ZNF768: variants seen among roughly 807,000 people sequenced by gnomAD.
ZNF768 encodes zinc finger protein 768.
ZNF768 carries 12 observed loss-of-function variants against 39.7 expected under a neutral mutation model. That is an observed-to-expected ratio of 0.30 (90% CI 0.19 to 0.49). The LOEUF is 0.49. Among genes scored for constraint, ZNF768 ranks in the 20% least tolerant of loss-of-function variants. ZNF768 has a pLI of 0.99. For missense variants in ZNF768, 613 were observed against 723.2 expected (o/e 0.85, Z 1.75); for synonymous variants, 360 against 288.4 (o/e 1.25, Z -2.52).
chr16:30,529,821 G>GTT (rs1272934657), upstream of ZNF768, among the ~76,000 whole-genome samples: 716 of 132,712 alleles, frequency 5.4e-3, 13 homozygotes, highest in African/African-American at 0.017. Context: ...GGAGTAGCTA[G>GTT]TTTTTTTTTT....
rs567241739 is a variant in ZNF768 at position 30,526,288 on chromosome 16, G to T, written c.88+38C>A. 3.7e-6 allele frequency: 6 copies of T among 1,606,920 alleles called. No individual in the cohort carries two copies. The East Asian group carries it at 1.1e-4, about 31-fold the overall frequency. On this transcript the variant is annotated intron_variant, in intron 1 of 1. Coordinates refer to ENST00000380412, the MANE Select transcript of ZNF768 (RefSeq NM_024671.4). Reference sequence around the variant, plus strand: ...CTGGAGCCACAGCCCCTTCTCCTGCGCGCAAGTCCACTCCTCGGACGGGCG... The same window carrying T: ...CTGGAGCCACAGCCCCTTCTCCTGCTCGCAAGTCCACTCCTCGGACGGGCG...
rs1352360018 is a variant in ZNF768, at chr16:30,526,532, G to C, written c.-119C>G. ...CCGCTCAGCGCCGCCCAGGGGACTC[G>C]GCGGCCCAGCCCGGGCCCCCGAGGC... On this transcript the variant is annotated 5_prime_UTR_variant, in exon 1 of 2. Transcript: ENST00000380412. 34 of 1,116,906 alleles carry C rather than the reference G, an allele frequency of 3.0e-5. No homozygotes were observed. The highest frequency in any genetic ancestry group is 1.0e-4 in the Admixed American group (2 of 19,794). 69.2% of individuals were successfully genotyped at this position (1,116,906 alleles called of 1,614,324 possible).
chr16:30,526,538 C>T lies in ZNF768; in HGVS notation c.-125G>A. The T allele has an allele frequency of 9.1e-7, 1 of 1,097,384 alleles. No individual in the cohort carries two copies. The highest frequency in any genetic ancestry group is 1.1e-6 in the Non-Finnish European group (1 of 901,658). The allele number at this position is 1,097,384 out of a possible 1,614,324, so 68.0% of individuals were successfully genotyped here. A position where few individuals can be genotyped will look rare whatever the true frequency, so the allele number is the denominator to read the frequency against. On this transcript the variant is annotated 5_prime_UTR_variant, in exon 1 of 2. Coordinates refer to ENST00000380412, the MANE Select transcript of ZNF768 (RefSeq NM_024671.4). The stretch of plus-strand genomic sequence containing the variant: ...AGCGCCGCCCAGGGGACTCGGCGGC[C>T]CAGCCCGGGCCCCCGAGGCCGGACG...
rs781145135 is a variant in ZNF768, at chr16:30,524,470, G to A, written c.*47C>T. On this transcript the variant is annotated 3_prime_UTR_variant, in exon 2 of 2. Coordinates refer to ENST00000380412, the MANE Select transcript of ZNF768 (RefSeq NM_024671.4). ...CCCTAAAGGTTCCTCTAGCTCCCTG[G>A]CCCCTTATCTTCTGCCCACACCTCC... 9 of 1,561,388 alleles carry A rather than the reference G, an allele frequency of 5.8e-6. No individual in the cohort carries two copies. Among genetic ancestry groups the A allele is most frequent in the South Asian group, 2.4e-5 (2 of 84,738 alleles).
In ZNF768 at chr16:30,524,160, T is replaced by A; in HGVS notation, c.*357A>T. 4.5e-6 allele frequency: 1 copy of A among 223,356 alleles called. No homozygotes were observed. The highest frequency in any genetic ancestry group is 1.3e-4 in the South Asian group (1 of 7,718). The allele number at this position is 223,356 out of a possible 1,614,324, so 13.8% of individuals were successfully genotyped here. ...TTACCCGCTCCTGACTCAACGAGAGTTTCAGCAGCTACCAATCTAAGCTAA... is the reference window on the plus strand; with the variant it reads ...TTACCCGCTCCTGACTCAACGAGAGATTCAGCAGCTACCAATCTAAGCTAA... On this transcript the variant is annotated 3_prime_UTR_variant, in exon 2 of 2. Transcript: ENST00000380412.
rs1202599200 is a variant in ZNF768, at chr16:30,524,934, G to A, written c.1206C>T (p.Ser402=). ...AGAAGCTCTTGCCGCAGATGCCACA[G>A]CTGAAGGGCCTCTGACCGGTGTGCA... The part of the protein sequence containing the change: ...QRVHTGQRPF[S]CGICGKSFSQ... Residue 402 remains serine (S), a synonymous_variant, in exon 2 of 2, where the codon AGC becomes AGT. Coordinates refer to ENST00000380412, the MANE Select transcript of ZNF768 (RefSeq NM_024671.4). The A allele has an allele frequency of 1.2e-6, 2 of 1,613,612 alleles. No individual in the cohort carries two copies. Among genetic ancestry groups the A allele is most frequent in the East Asian group, 4.5e-5 (2 of 44,868 alleles).
chr16:30,525,801 C>A lies in ZNF768; in HGVS notation c.339G>T (p.Glu113Asp). 6.4e-7 allele frequency: 1 copy of A among 1,552,786 alleles called. No individual in the cohort carries two copies. Among genetic ancestry groups the A allele is most frequent in the Non-Finnish European group, 8.7e-7 (1 of 1,154,552 alleles). The change falls in exon 2 of 2, where the codon GAG (glutamate) becomes GAT (aspartate). Residue 113 changes from glutamate to aspartate, a missense_variant. Glu to Asp is a conservative substitution (Grantham distance 45). Around this residue, in one of 4 missense-constraint regions of ZNF768, gnomAD observed 347 missense variants for 326.1 expected, o/e 1.06. Coordinates refer to ENST00000380412, the MANE Select transcript of ZNF768 (RefSeq NM_024671.4). Reference protein sequence around the residue: ...RSPESDSQSPEFESQSPRYEP... With the variant: ...RSPESDSQSPDFESQSPRYEP... The stretch of plus-strand genomic sequence containing the variant: ...CATACCTAGGGCTCTGGGATTCAAA[C>A]TCAGGGCTCTGAGAATCTGATTCAG...
rs978581597 is a variant in ZNF768 at position 30,524,285 on chromosome 16, G to T, written c.*232C>A. The T allele has an allele frequency of 3.3e-5, 17 of 522,522 alleles. No individual in the cohort carries two copies. The highest frequency in any genetic ancestry group is 4.8e-5 in the Non-Finnish European group (16 of 332,082). The allele number at this position is 522,522 out of a possible 1,614,324, so 32.4% of individuals were successfully genotyped here. A position where few individuals can be genotyped will look rare whatever the true frequency, so the allele number is the denominator to read the frequency against. ...GAGCCGCGGCTGAGGCCAGCCCTCCGCTGACCTCTCTCCATTTCTCCCAGG... is the reference window on the plus strand; with the variant it reads ...GAGCCGCGGCTGAGGCCAGCCCTCCTCTGACCTCTCTCCATTTCTCCCAGG... On this transcript the variant is annotated 3_prime_UTR_variant, in exon 2 of 2. Transcript: ENST00000380412.
In ZNF768 at chr16:30,525,142, A is replaced by G; in HGVS notation, c.998T>C (p.Leu333Pro). Residue 333 changes from leucine (L) to proline (P), a missense_variant, in exon 2 of 2, where the codon CTT (leucine) becomes CCT (proline). Leu to Pro is a moderately conservative substitution (Grantham distance 98, BLOSUM62 -3). Around this residue, in one of 4 missense-constraint regions of ZNF768, gnomAD observed 22 missense variants for 63.4 expected, o/e 0.35. Coordinates refer to ENST00000380412, the MANE Select transcript of ZNF768 (RefSeq NM_024671.4). ...GCCAGAGTGAGTGCGCTGGTGGCGA[A>G]GCAGGTAAGAGCTGTCGGCGAAGGC... ...GKAFADSSYLLRHQRTHSGQK... is the reference protein window; with the variant it reads ...GKAFADSSYLPRHQRTHSGQK... The G allele has an allele frequency of 1.2e-6, 2 of 1,613,816 alleles. No homozygotes were observed. Among genetic ancestry groups the G allele is most frequent in the Non-Finnish European group, 1.7e-6 (2 of 1,179,908 alleles).
upstream of ZNF768, among the ~76,000 whole-genome samples, chr16:30,528,977 C>T (rs902478559): frequency 3.9e-5 from 6 of 152,232 alleles, no homozygotes; most frequent in East Asian, 1.2e-3. Context: ...TATCATGAGC[C>T]ACAAGTCCCA....
At chr16:30,532,440 C>CG in the ZNF768 span, 1 of 1,536,052 alleles carries the variant, frequency 6.5e-7, no homozygotes, top group Non-Finnish European at 8.8e-7. Context: ...TGCAGAGGTT[C>CG]GGGCCCCTGA....
In ZNF768 at chr16:30,524,780, C is replaced by A; in HGVS notation, c.1360G>T (p.Gly454Cys). The A allele has an allele frequency of 6.2e-7, 1 of 1,611,908 alleles. No homozygotes were observed. The highest frequency in any genetic ancestry group is 1.3e-5 in the African/African-American group (1 of 74,942). Residue 454 changes from glycine (G) to cysteine (C), a missense_variant, in exon 2 of 2, where the codon GGC becomes TGC. Around this residue, in one of 4 missense-constraint regions of ZNF768, gnomAD observed 204 missense variants for 281.7 expected, o/e 0.72. Transcript: ENST00000380412. Reference sequence around the variant, plus strand: ...CAGTCGGGGCAGCTGTAGGTGCGGCCTGGCAGGTGGGTGCGGGCGTGGATG... The same window carrying A: ...CAGTCGGGGCAGCTGTAGGTGCGGCATGGCAGGTGGGTGCGGGCGTGGATG... ...LAIHARTHLP[G>C]RTYSCPDCGK...
rs1009013729 is a variant in ZNF768 at position 30,524,921 on chromosome 16, C to T, written c.1219G>A (p.Gly407Ser). The change falls in exon 2 of 2, where the codon GGC (glycine) becomes AGC (serine). Residue 407 changes from glycine to serine, a missense_variant. Gly to Ser is a moderately conservative substitution (Grantham distance 56). Transcript: ENST00000380412. ...GQRPFSCGIC[G>S]KSFSQRSALI... ...GCCGACCGCTGGGAGAAGCTCTTGC[C>T]GCAGATGCCACAGCTGAAGGGCCTC... 1 of 1,613,320 alleles carries T rather than the reference C, an allele frequency of 6.2e-7. No homozygotes were observed. The highest frequency in any genetic ancestry group is 1.3e-5 in the African/African-American group (1 of 74,920).
chr16:30,526,973 G>A (rs1176630964), upstream of ZNF768: 8 of 985,488 alleles, frequency 8.1e-6, no homozygotes, highest in African/African-American at 3.5e-5. Flanking sequence ...CGGGGCTACC[G>A]GGGCAGTGTG....
upstream of ZNF768, chr16:30,526,801 A>T (rs544352434): frequency 2.7e-3 from 352 of 129,762 alleles, 1 homozygote; most frequent in African/African-American, 0.029. Context: ...GCACCCCCCC[A>T]CCCTCCCCCG....
At position 30,524,924 on chromosome 16, in the gene ZNF768, A is replaced by G; in HGVS notation, c.1216T>C (p.Cys406Arg). ...TGQRPFSCGI[C>R]GKSFSQRSAL... is the part of the protein sequence containing the mutation. ...GACCGCTGGGAGAAGCTCTTGCCGC[A>G]GATGCCACAGCTGAAGGGCCTCTGA... The change falls in exon 2 of 2, where the codon TGC becomes CGC. Residue 406 changes from cysteine to arginine, a missense_variant. Coordinates refer to ENST00000380412, the MANE Select transcript of ZNF768 (RefSeq NM_024671.4). 6.2e-7 allele frequency: 1 copy of G among 1,613,540 alleles called. No individual in the cohort carries two copies. The highest frequency in any genetic ancestry group is 8.5e-7 in the Non-Finnish European group (1 of 1,179,878).
chr16:30,524,255 C>A lies in ZNF768; in HGVS notation c.*262G>T. The A allele has an allele frequency of 2.0e-6, 1 of 496,302 alleles. No homozygotes were observed. The highest frequency in any genetic ancestry group is 3.4e-5 in the East Asian group (1 of 29,198). The allele number at this position is 496,302 out of a possible 1,614,324, so 30.7% of individuals were successfully genotyped here. A position where few individuals can be genotyped will look rare whatever the true frequency, so the allele number is the denominator to read the frequency against. On this transcript the variant is annotated 3_prime_UTR_variant, in exon 2 of 2. Transcript: ENST00000380412. ...TAGCAGTTGCCAAGCCAGGCACCCA[C>A]CAAGGAGCCGCGGCTGAGGCCAGCC...
Position 30,526,466 on chromosome 16 carries a change from C to A in ZNF768, c.-53G>T. ...CGGCGATGGCGGCCGATCCCGCGAC[C>A]CGGCCTCGGTTGCCCCGAGCCGCGG... is the stretch of plus-strand genomic sequence containing the variant. On this transcript the variant is annotated 5_prime_UTR_variant, in exon 1 of 2. Coordinates refer to ENST00000380412, the MANE Select transcript of ZNF768 (RefSeq NM_024671.4). 1.4e-6 allele frequency: 2 copies of A among 1,473,920 alleles called. 1 individual carries two copies. The highest frequency in any genetic ancestry group is 2.7e-5 in the South Asian group (2 of 74,282). The allele number at this position is 1,473,920 out of a possible 1,614,324, so 91.3% of individuals were successfully genotyped here.
In ZNF768 at chr16:30,524,133, T is replaced by A; in HGVS notation, c.*384A>T. ...GGCCCCACTCCCCACCCCACCTACC[T>A]TTTACCCGCTCCTGACTCAACGAGA... On this transcript the variant is annotated 3_prime_UTR_variant, in exon 2 of 2. Transcript: ENST00000380412. 5 of 175,470 alleles carry A rather than the reference T, an allele frequency of 2.8e-5. No homozygotes were observed. Among genetic ancestry groups the A allele is most frequent in the East Asian group, 1.7e-4 (1 of 6,010 alleles). 10.9% of individuals were successfully genotyped at this position (175,470 alleles called of 1,614,324 possible).
Sources: gnomAD v4.1 joint callset for allele counts (sites outside exome capture counted in the v4.1 genomes callset) on GRCh38, gnomAD v4.1.1 for gene constraint, gnomAD v4.1.1 regional missense constraint, MANE v1.5 for transcripts, NCBI Gene and HGNC (gene_info 2026-07-23, HGNC 2026-07-21) for gene names.